Variants in TAB2 observed in about 807,000 individuals in gnomAD.
TAB2 encodes TGF-beta-activated kinase 1 and MAP3K7-binding protein 2.
A neutral mutation model predicts 65.0 loss-of-function variants in TAB2; 3 were observed. That is an observed-to-expected ratio of 0.05 (90% CI 0.02 to 0.12). TAB2 has a LOEUF of 0.12. TAB2 is among the 10% of genes least tolerant of loss of function. TAB2 has a pLI of 1.00. For synonymous variants in TAB2, 298 were observed against 285.1 expected, an observed-to-expected ratio of 1.05 and a Z score of -0.46; for missense variants, 623 against 840.3, an observed-to-expected ratio of 0.74 and a Z score of 3.20.
rs556162312 is a variant in TAB2 at position 149,357,968 on chromosome 6, C to A, written c.-89-11941C>A. Among the ~76,000 whole-genome samples the A allele has an allele frequency of 8.3e-4, 127 of 152,192 alleles. 1 individual carries two copies. Among genetic ancestry groups the A allele is most frequent in the African/African-American group, 2.8e-3 (116 of 41,526 alleles). On this transcript the variant is annotated intron_variant, in intron 1 of 6. Coordinates refer to ENST00000637181, the MANE Select transcript of TAB2 (RefSeq NM_001292034.3). ...CACCTGCCTTGGCCTCCCAAAGTGC[C>A]AGGATTACAGGCGTGAGCCATCACG...
intron 1 of TAB2, among the ~76,000 whole-genome samples, chr6:149,358,655 T>TGTGTGTGTGTGTGTGA: frequency 6.6e-6 from 1 of 151,270 alleles, no homozygotes; most frequent in African/African-American, 2.4e-5. Flanking sequence ...TGTGTGTGTG[T>TGTGTGTGTGTGTGTGA]GTGTGTGTGT....
chr6:149,370,320 G>A (rs904804266), intron 2 of TAB2, among the ~76,000 whole-genome samples: 15 of 152,180 alleles, frequency 9.9e-5, no homozygotes, highest in Non-Finnish European at 2.1e-4. Flanking sequence ...AGATGTGAGA[G>A]TTAAATGAGA....
chr6:149,376,558 T>C lies in TAB2; in HGVS notation c.103-1460T>C, dbSNP rs34670837. Among the ~76,000 whole-genome samples the C allele has an allele frequency of 6.8e-3, 1,034 of 152,342 alleles. 9 individuals are homozygous for C. Among genetic ancestry groups the C allele is most frequent in the African/African-American group, 0.024 (981 of 41,574 alleles). ...CACCAAGAATTGTTGTTGTTGTCGT[T>C]GTTGTTGTTCAAGTTCTACATATTC... On this transcript the variant is annotated intron_variant, in intron 2 of 6. Coordinates refer to ENST00000637181, the MANE Select transcript of TAB2 (RefSeq NM_001292034.3).
chr6:149,271,213 A>AT (rs1248129654), intron 1 of TAB2, among the ~76,000 whole-genome samples: 2 of 152,106 alleles, frequency 1.3e-5, no homozygotes, highest in Non-Finnish European at 2.9e-5. Flanking sequence ...ATCTCTAAAA[A>AT]ATATATATAT....
intron 3 of TAB2, among the ~76,000 whole-genome samples, chr6:149,393,079 G>A (rs1782047190): frequency 1.3e-5 from 2 of 152,048 alleles, no homozygotes; most frequent in Admixed American, 1.3e-4. Flanking sequence ...AATGAAAAGT[G>A]AACTAAACAC....
At chr6:149,396,190 G>C (rs1267850756) in intron 3 of TAB2, among the ~76,000 whole-genome samples, 2 of 152,102 alleles carry the variant, frequency 1.3e-5, no homozygotes, top group Non-Finnish European at 2.9e-5. Flanking sequence ...GCAACTTTTT[G>C]TATTTTTAGT....
chr6:149,303,001 A>C (rs994744876), intron 1 of TAB2, among the ~76,000 whole-genome samples: 5 of 152,174 alleles, frequency 3.3e-5, no homozygotes, highest in Non-Finnish European at 7.3e-5. Flanking sequence ...AGGAGCACGA[A>C]CCCTATTGTG....
At chr6:149,314,182 T>C (rs1008062334), upstream of TAB2, among the ~76,000 whole-genome samples, 1 of 152,252 alleles carries the variant, frequency 6.6e-6, no homozygotes. Context: ...GACCACACTA[T>C]ATTAACTCTT....
intron 1 of TAB2, among the ~76,000 whole-genome samples, chr6:149,281,401 G>A (rs9498280): frequency 0.02 from 2,987 of 151,656 alleles, 86 homozygotes; most frequent in African/African-American, 0.066. Flanking sequence ...ATCCAGCAAA[G>A]GAGACAAAAG....
chr6:149,253,299 C>T (rs1454142148), intron 1 of TAB2, among the ~76,000 whole-genome samples: 1 of 152,130 alleles, frequency 6.6e-6, no homozygotes, highest in East Asian at 1.9e-4. Flanking sequence ...TCTCTAATTC[C>T]CTTTCTTTCT....
chr6:149,352,990 C>T (rs1190606629), intron 1 of TAB2, among the ~76,000 whole-genome samples: 1 of 152,172 alleles, frequency 6.6e-6, no homozygotes, highest in Non-Finnish European at 1.5e-5. Context: ...CCTGCTTACA[C>T]ACTCAACTTT....
intron 1 of TAB2, among the ~76,000 whole-genome samples, chr6:149,353,410 C>T (rs1354638764): frequency 6.6e-6 from 1 of 152,176 alleles, no homozygotes; most frequent in Admixed American, 6.5e-5. Context: ...CCTTATTCTC[C>T]CAGATTCCCT....
chr6:149,297,527 C>CT (rs1442021001), intron 1 of TAB2, among the ~76,000 whole-genome samples: 2 of 152,122 alleles, frequency 1.3e-5, no homozygotes, highest in African/African-American at 2.4e-5. Context: ...TATATGCACA[C>CT]TTTTCTTTCT....
At chr6:149,278,368 C>T (rs779707580) in intron 1 of TAB2, among the ~76,000 whole-genome samples, 1 of 152,138 alleles carries the variant, frequency 6.6e-6, no homozygotes. Flanking sequence ...CAAATATATA[C>T]TGCCCCTGTA....
At chr6:149,399,972 A>G (rs1234800542) in intron 6 of TAB2, among the ~76,000 whole-genome samples, 3 of 152,258 alleles carry the variant, frequency 2.0e-5, no homozygotes, top group East Asian at 3.8e-4. Flanking sequence ...TCAACTTAAA[A>G]TAGAAGAGTA....
intron 1 of TAB2, among the ~76,000 whole-genome samples, chr6:149,222,063 CAA>C (rs1562377995): frequency 6.6e-6 from 1 of 152,142 alleles, no homozygotes; most frequent in Non-Finnish European, 1.5e-5. Flanking sequence ...CCGAATGGAA[CAA>C]AAAGGTAGAG....
chr6:149,244,684 G>A (rs1777670570), intron 1 of TAB2: 1 of 152,372 alleles, frequency 6.6e-6, no homozygotes, highest in African/African-American at 2.4e-5. Context: ...AGGAATTCGA[G>A]ACCAGCCTGG....
At chr6:149,336,152 C>T (rs527721001) in intron 1 of TAB2, among the ~76,000 whole-genome samples, 39 of 152,228 alleles carry the variant, frequency 2.6e-4, no homozygotes, top group Non-Finnish European at 4.9e-4. Context: ...GTGCCTGGCA[C>T]GTAGTAGTGC....
chr6:149,273,470 A>G (rs933720298), intron 1 of TAB2, among the ~76,000 whole-genome samples: 5 of 152,212 alleles, frequency 3.3e-5, no homozygotes, highest in Non-Finnish European at 7.3e-5. Flanking sequence ...GGATCTGTCC[A>G]CCAAGTGAGT....
Sources: gnomAD v4.1 joint callset for allele counts (sites outside exome capture counted in the v4.1 genomes callset) on GRCh38, gnomAD v4.1.1 for gene constraint, MANE v1.5 for transcripts, NCBI Gene and HGNC (gene_info 2026-07-23, HGNC 2026-07-21) for gene names.